HYAL4: variants seen among roughly 807,000 people sequenced by gnomAD.
HYAL4 encodes hyaluronidase-4.
HYAL4 carries 37 observed loss-of-function variants against 35.2 expected under a neutral mutation model. The observed-to-expected ratio is 1.05, with a 90% CI of 0.81 to 1.38. HYAL4 has a LOEUF of 1.38. HYAL4 is among the 40% of genes most tolerant of loss of function. HYAL4 has a pLI of 0.00. For synonymous variants in HYAL4, 198 were observed against 203.2 expected (o/e 0.97, Z 0.22); for missense variants, 572 against 572.4 (o/e 1.00, Z 0.01).
upstream of HYAL4, among the ~76,000 whole-genome samples, chr7:123,825,447 T>A (rs902984395): frequency 1.3e-5 from 2 of 152,108 alleles, no homozygotes; most frequent in African/African-American, 4.8e-5. Context: ...ATCAAAACTT[T>A]CATAGTAAAA....
At chr7:123,871,224 C>T (rs986855262) in intron 3 of HYAL4, among the ~76,000 whole-genome samples, 6 of 149,872 alleles carry the variant, frequency 4.0e-5, no homozygotes, top group Non-Finnish European at 8.9e-5. Context: ...TGGAGTTTCC[C>T]TCTGTCTCCC....
upstream of HYAL4, among the ~76,000 whole-genome samples, chr7:123,844,728 C>T (rs1308140012): frequency 6.6e-6 from 1 of 152,158 alleles, no homozygotes; most frequent in Admixed American, 6.5e-5. Context: ...CTACTCAAGC[C>T]TCAGCAATGG....
intron 1 of HYAL4, among the ~76,000 whole-genome samples, chr7:123,831,541 T>G (rs1805882618): frequency 6.6e-6 from 1 of 152,244 alleles, no homozygotes; most frequent in South Asian, 2.1e-4. Flanking sequence ...ATTAGATTAT[T>G]GAAAATTGTT....
rs1261399526 is a variant in HYAL4 at position 123,869,151 on chromosome 7, C to T, written c.878C>T (p.Ser293Phe). The T allele has an allele frequency of 1.2e-5, 19 of 1,613,962 alleles. No homozygotes were observed. The highest frequency in any genetic ancestry group is 1.5e-5 in the Non-Finnish European group (18 of 1,180,002). Residue 293 changes from serine to phenylalanine, a missense_variant, in exon 3 of 5, where the codon TCT (serine) becomes TTT (phenylalanine). Coordinates refer to ENST00000223026, the MANE Select transcript of HYAL4 (RefSeq NM_012269.3). ...HESMRISTMT[S>F]HDYALPVFVY... ...TCCATGAGGATCTCCACCATGACATCTCATGATTATGCTCTGCCTGTATTT... is the reference window on the plus strand; with the variant it reads ...TCCATGAGGATCTCCACCATGACATTTCATGATTATGCTCTGCCTGTATTT...
the HYAL4 span, among the ~76,000 whole-genome samples, chr7:123,788,691 T>TG: frequency 6.6e-6 from 1 of 152,240 alleles, no homozygotes; most frequent in Non-Finnish European, 1.5e-5. Context: ...CACAGACACT[T>TG]GTACTTTGCT....
upstream of HYAL4, among the ~76,000 whole-genome samples, chr7:123,825,112 T>C (rs1160556376): frequency 6.6e-6 from 1 of 151,504 alleles, no homozygotes; most frequent in Non-Finnish European, 1.5e-5. Flanking sequence ...AAATCTCTCT[T>C]TCTCTCTCTC....
chr7:123,807,432 G>GTTTTTTTTTTTTTT, the HYAL4 span, among the ~76,000 whole-genome samples: 17 of 120,802 alleles, frequency 1.4e-4, no homozygotes, highest in African/African-American at 2.5e-4. Flanking sequence ...ACTTTTTATG[G>GTTTTTTTTTTTTTT]TTTTTTTTTT....
intron 1 of HYAL4, among the ~76,000 whole-genome samples, chr7:123,834,975 A>G (rs974562260): frequency 6.6e-6 from 1 of 152,058 alleles, no homozygotes; most frequent in Non-Finnish European, 1.5e-5. Context: ...TGTTGGGTTC[A>G]GTTAACTAGT....
At chr7:123,869,461 G>A (rs1806805398) in intron 3 of HYAL4, among the ~76,000 whole-genome samples, 1 of 152,152 alleles carries the variant, frequency 6.6e-6, no homozygotes, top group South Asian at 2.1e-4. Flanking sequence ...AAGGGTTAAA[G>A]TAGATACCAG....
chr7:123,783,695 A>G, the HYAL4 span, among the ~76,000 whole-genome samples: 1 of 152,218 alleles, frequency 6.6e-6, no homozygotes, highest in African/African-American at 2.4e-5. Flanking sequence ...GATGGGGGGC[A>G]AATATAAGTT....
intron 3 of HYAL4, among the ~76,000 whole-genome samples, chr7:123,872,625 A>T (rs1278422012): frequency 6.6e-6 from 1 of 152,216 alleles, no homozygotes; most frequent in East Asian, 1.9e-4. Flanking sequence ...CATTTTCAGT[A>T]CATCTACTTT....
At chr7:123,807,761 T>TC in the HYAL4 span, among the ~76,000 whole-genome samples, 2 of 151,544 alleles carry the variant, frequency 1.3e-5, no homozygotes, top group African/African-American at 2.4e-5. Context: ...AGACAGGGTC[T>TC]CATTCTGTCA....
intron 2 of HYAL4, among the ~76,000 whole-genome samples, chr7:123,852,974 A>G (rs539786470): frequency 1.3e-5 from 2 of 152,148 alleles, no homozygotes; most frequent in Admixed American, 1.3e-4. Flanking sequence ...TTGGATTCCT[A>G]GGTATTTTAT....
upstream of HYAL4, among the ~76,000 whole-genome samples, chr7:123,826,616 A>G (rs1189219208): frequency 1.3e-5 from 2 of 152,192 alleles, no homozygotes; most frequent in African/African-American, 2.4e-5. Context: ...CTTTTAGACC[A>G]AATTGCTACT....
intron 2 of HYAL4, among the ~76,000 whole-genome samples, chr7:123,859,150 A>G (rs1244596926): frequency 6.6e-6 from 1 of 152,202 alleles, no homozygotes; most frequent in Non-Finnish European, 1.5e-5. Context: ...CAAGCAATCT[A>G]GCTTCCTGAG....
chr7:123,848,839 G>C lies in HYAL4; in HGVS notation c.-52+681G>C, dbSNP rs557621966. Among the ~76,000 whole-genome samples, 33 of 152,216 alleles carry C rather than the reference G, an allele frequency of 2.2e-4. No individual in the cohort carries two copies. In the South Asian group the frequency reaches 3.3e-3, roughly 15 times the overall value. The stretch of plus-strand genomic sequence containing the variant: ...TTAGGAAGCATGCAACATTTAAAAG[G>C]GCTCAGAAAGTGGATGATTTTTGGT... On this transcript the variant is annotated intron_variant, in intron 2 of 4. Transcript: ENST00000223026.
intron 2 of HYAL4, among the ~76,000 whole-genome samples, chr7:123,851,401 G>GC (rs1397370777): frequency 6.6e-6 from 1 of 151,824 alleles, no homozygotes; most frequent in Non-Finnish European, 1.5e-5. Context: ...CTAGCCCTCT[G>GC]CCCCCTGACA....
chr7:123,789,847 C>T, the HYAL4 span, among the ~76,000 whole-genome samples: 2 of 151,840 alleles, frequency 1.3e-5, no homozygotes, highest in African/African-American at 4.8e-5. Flanking sequence ...TATATATATC[C>T]TATTTGTTGG....
At chr7:123,851,638 A>G (rs1163269725) in intron 2 of HYAL4, among the ~76,000 whole-genome samples, 1 of 152,104 alleles carries the variant, frequency 6.6e-6, no homozygotes, top group African/African-American at 2.4e-5. Context: ...GATCCAGTCT[A>G]TCATTGATGG....
Sources: gnomAD v4.1 joint callset for allele counts (sites outside exome capture counted in the v4.1 genomes callset) on GRCh38, gnomAD v4.1.1 for gene constraint, MANE v1.5 for transcripts, NCBI Gene and HGNC (gene_info 2026-07-23, HGNC 2026-07-21) for gene names.